AKT3: variants seen among roughly 807,000 people sequenced by gnomAD.
AKT3 encodes AKT serine/threonine kinase 3.
Under a neutral mutation model 65.3 loss-of-function variants are expected in AKT3, and 15 were observed. That is an observed-to-expected ratio of 0.23 (90% CI 0.15 to 0.35). The LOEUF is 0.35. AKT3 is among the 10% of genes least tolerant of loss of function. AKT3 has a pLI of 1.00. For missense variants in AKT3, 243 were observed against 576.5 expected, an observed-to-expected ratio of 0.42 and a Z score of 5.92; for synonymous variants, 206 against 183.8, an observed-to-expected ratio of 1.12 and a Z score of -0.98.
intron 2 of AKT3, among the ~76,000 whole-genome samples, chr1:243,833,160 G>A (rs888872702): frequency 1.3e-5 from 2 of 152,034 alleles, no homozygotes; most frequent in Admixed American, 6.5e-5. Context: ...GCTGAGGCAG[G>A]AGAATTGTTT....
intron 2 of AKT3, among the ~76,000 whole-genome samples, chr1:243,748,709 T>C (rs1303094609): frequency 6.6e-6 from 1 of 152,150 alleles, no homozygotes; most frequent in East Asian, 1.9e-4. Flanking sequence ...TTTGAGAGGT[T>C]TTGTTCTCAT....
intron 13 of AKT3, among the ~76,000 whole-genome samples, chr1:243,493,878 G>A (rs532366854): frequency 1.3e-5 from 2 of 152,036 alleles, no homozygotes; most frequent in Non-Finnish European, 2.9e-5. Flanking sequence ...ATTGCAACTG[G>A]AAGCAAAGGG....
Position 243,768,858 on chromosome 1 carries a change from A to G in AKT3, c.47-73142T>C, listed in dbSNP as rs551538498. Among the ~76,000 whole-genome samples, 37 of 151,886 alleles carry G rather than the reference A, an allele frequency of 2.4e-4. No individual in the cohort carries two copies. In the South Asian group the frequency reaches 7.7e-3, roughly 32 times the overall value. On this transcript the variant is annotated intron_variant, in intron 2 of 13. Coordinates refer to ENST00000673466, the MANE Select transcript of AKT3 (RefSeq NM_005465.7). ...AAAAAAAAAAAAAAAAGAGAGCGAT[A>G]GTTCACATACCATAAAAATCGCCAT...
intron 12 of AKT3, among the ~76,000 whole-genome samples, chr1:243,531,321 ATCC>A (rs1334218881): frequency 1.3e-5 from 2 of 152,282 alleles, no homozygotes; most frequent in East Asian, 3.9e-4. Context: ...GGCTCAAGGA[ATCC>A]TCCTACCTTG....
intron 4 of AKT3, among the ~76,000 whole-genome samples, chr1:243,656,747 G>A (rs1256031897): frequency 3.9e-5 from 6 of 152,250 alleles, no homozygotes. Flanking sequence ...GCATACGTGT[G>A]CGCATGCACA....
At chr1:243,713,995 G>T (rs766235936) in intron 2 of AKT3, among the ~76,000 whole-genome samples, 14 of 152,208 alleles carry the variant, frequency 9.2e-5, no homozygotes, top group Admixed American at 2.0e-4. Flanking sequence ...GCTGTTTTGC[G>T]TCAAGAGTTC....
Position 243,572,911 on chromosome 1 carries a change from T to A in AKT3, c.819+15A>T. 1 of 1,048,458 alleles carries A rather than the reference T, an allele frequency of 9.5e-7. No individual in the cohort carries two copies. The allele number at this position is 1,048,458 out of a possible 1,614,324, so 64.9% of individuals were successfully genotyped here. A position where few individuals can be genotyped will look rare whatever the true frequency, so the allele number is the denominator to read the frequency against. ...CTGCAAAAACAAATTTTGATTACTT[T>A]TTTTTTTTTTTTACCTTGAGATCAC... On this transcript the variant is annotated intron_variant, in intron 9 of 13. Coordinates refer to ENST00000673466, the MANE Select transcript of AKT3 (RefSeq NM_005465.7).
rs555725353 is a variant in AKT3, at chr1:243,520,799, G to A, written c.1252-8373C>T. ...ACTGAAAATATGCAACTTCAAGTCCGTATGGTGACAGCAACGTTGAAGCTC... is the reference window on the plus strand; with the variant it reads ...ACTGAAAATATGCAACTTCAAGTCCATATGGTGACAGCAACGTTGAAGCTC... On this transcript the variant is annotated intron_variant, in intron 12 of 13. Coordinates refer to ENST00000673466, the MANE Select transcript of AKT3 (RefSeq NM_005465.7). Among the ~76,000 whole-genome samples, 49 of 152,302 alleles carry A rather than the reference G, an allele frequency of 3.2e-4. No individual in the cohort carries two copies. The South Asian group carries it at 6.6e-3, about 21-fold the overall frequency.
chr1:243,537,571 C>G (rs1031657490), intron 12 of AKT3, among the ~76,000 whole-genome samples: 1 of 152,150 alleles, frequency 6.6e-6, no homozygotes, highest in Non-Finnish European at 1.5e-5. Context: ...TCACTTAACA[C>G]TGTATTACTG....
intron 2 of AKT3, among the ~76,000 whole-genome samples, chr1:243,718,501 G>A (rs979366922): frequency 3.3e-5 from 5 of 152,110 alleles, no homozygotes; most frequent in African/African-American, 9.6e-5. Flanking sequence ...CAAGGCTGGA[G>A]TGCAGTGGCA....
At chr1:243,514,621 GT>G (rs2148369340) in intron 12 of AKT3, among the ~76,000 whole-genome samples, 1 of 152,258 alleles carries the variant, frequency 6.6e-6, no homozygotes, top group South Asian at 2.1e-4. Flanking sequence ...TTAAAAAAAA[GT>G]TTATTGATGC....
At chr1:243,645,053 C>A (rs900596713) in intron 5 of AKT3, among the ~76,000 whole-genome samples, 2 of 152,100 alleles carry the variant, frequency 1.3e-5, no homozygotes, top group Non-Finnish European at 2.9e-5. Context: ...TGTGTAACTT[C>A]ACCAAGTCCA....
chr1:243,833,586 G>A (rs929083790), intron 2 of AKT3, among the ~76,000 whole-genome samples: 8 of 152,004 alleles, frequency 5.3e-5, no homozygotes, highest in Admixed American at 2.6e-4. Flanking sequence ...GTAGGGACAC[G>A]AAGCCTAACC....
chr1:243,518,723 T>C (rs969089098), intron 12 of AKT3, among the ~76,000 whole-genome samples: 3 of 152,178 alleles, frequency 2.0e-5, no homozygotes, highest in Non-Finnish European at 4.4e-5. Context: ...TTCTAGAATA[T>C]ATAATATTCT....
In AKT3 at chr1:243,637,592, A is replaced by C; in HGVS notation, c.561+19T>G. The C allele has an allele frequency of 6.3e-7, 1 of 1,576,264 alleles. No homozygotes were observed. Among genetic ancestry groups the C allele is most frequent in the South Asian group, 1.2e-5 (1 of 84,724 alleles). On this transcript the variant is annotated intron_variant, in intron 6 of 13. Transcript: ENST00000673466. ...ACTGCAAACAAAAATTTAGTAATCAACTTTAATAAATCAGTTACCTTTGCA... is the reference window on the plus strand; with the variant it reads ...ACTGCAAACAAAAATTTAGTAATCACCTTTAATAAATCAGTTACCTTTGCA...
chr1:243,735,250 C>A (rs373417613), intron 2 of AKT3: 1 of 152,228 alleles, frequency 6.6e-6, no homozygotes, highest in African/African-American at 2.4e-5. Context: ...ATGTGCTACA[C>A]TTTTGTACAA....
At chr1:243,776,136 T>G (rs1294367534) in intron 2 of AKT3, among the ~76,000 whole-genome samples, 1 of 152,216 alleles carries the variant, frequency 6.6e-6, no homozygotes, top group Non-Finnish European at 1.5e-5. Context: ...TATCACATAC[T>G]TTCCATCAAT....
chr1:243,715,774 A>T (rs1396615418), intron 2 of AKT3, among the ~76,000 whole-genome samples: 1 of 152,128 alleles, frequency 6.6e-6, no homozygotes, highest in Non-Finnish European at 1.5e-5. Context: ...TCTTTTTATC[A>T]CATATGAATA....
At chr1:243,631,290 C>G (rs1264861630) in intron 6 of AKT3, among the ~76,000 whole-genome samples, 1 of 152,066 alleles carries the variant, frequency 6.6e-6, no homozygotes, top group East Asian at 1.9e-4. Context: ...TGGCAGTTGC[C>G]AAAGGTGAGA....
Sources: allele counts gnomAD v4.1 joint callset (sites outside exome capture counted in the v4.1 genomes callset), GRCh38; gene constraint gnomAD v4.1.1; transcripts MANE v1.5; gene names NCBI Gene and HGNC (gene_info 2026-07-23, HGNC 2026-07-21).